Variants in CUL5 observed in about 807,000 individuals in gnomAD.
CUL5 encodes cullin-5.
A neutral mutation model predicts 108.8 loss-of-function variants in CUL5; 26 were observed. The observed-to-expected ratio is 0.24, with a 90% CI of 0.18 to 0.33. The LOEUF (loss-of-function observed/expected upper bound fraction) is 0.33, where lower values mean the gene tolerates loss of function less well. Among genes scored for constraint, CUL5 ranks in the 10% least tolerant of loss-of-function variants. The probability of loss-of-function intolerance (pLI) is 1.00; values close to 1 mark genes in which losing one functional copy is unlikely to be tolerated. For synonymous variants in CUL5, 334 were observed against 298.0 expected (o/e 1.12, Z -1.25); for missense variants, 524 against 909.2 (o/e 0.58, Z 5.45).
intron 2 of CUL5, among the ~76,000 whole-genome samples, chr11:108,040,627 A>AG (rs1425305515): frequency 6.6e-6 from 1 of 151,686 alleles, no homozygotes; most frequent in Non-Finnish European, 1.5e-5. Context: ...AAAAAAAAAA[A>AG]AAAAAAAATT....
At chr11:108,090,266 A>T (rs1864318933) in intron 13 of CUL5, among the ~76,000 whole-genome samples, 1 of 152,118 alleles carries the variant, frequency 6.6e-6, no homozygotes, top group Admixed American at 6.6e-5. Flanking sequence ...AGGCAGGTGG[A>T]TCACAAGGTC....
chr11:108,033,389 G>A (rs1012448941), intron 1 of CUL5, among the ~76,000 whole-genome samples: 2 of 152,090 alleles, frequency 1.3e-5, no homozygotes, highest in African/African-American at 4.8e-5. Context: ...TGTATTGTTC[G>A]TCTTCCCAGT....
chr11:108,072,494 T>C (rs756813069), intron 9 of CUL5, 32 bp downstream of exon 9: 30 of 1,559,326 alleles, frequency 1.9e-5, no homozygotes, highest in Middle Eastern at 1.7e-4. Flanking sequence ...ATGATAGATA[T>C]ATATCAAGGC....
At position 108,034,000 on chromosome 11, in the gene CUL5, T is replaced by TA. The variant is rs1862660905; in HGVS notation, c.134+90dup. On this transcript the variant is annotated intron_variant, in intron 2 of 18. Transcript: ENST00000393094. ...CAAATGGAATGTGTAACTCTAAGTT[T>TA]ATCTGTTTACCTATTAAAAAGTATT... is the stretch of plus-strand genomic sequence containing the variant. The TA allele has an allele frequency of 5.1e-6, 4 of 787,648 alleles. No individual in the cohort carries two copies. The South Asian group carries it at 6.2e-5, about 12-fold the overall frequency. 48.8% of individuals were successfully genotyped at this position (787,648 alleles called of 1,614,324 possible). A position where few individuals can be genotyped will look rare whatever the true frequency, so the allele number is the denominator to read the frequency against.
In CUL5 at chr11:108,106,926, C is replaced by G. The variant is rs1288050154; in HGVS notation, c.*2542C>G. On this transcript the variant is annotated 3_prime_UTR_variant, in exon 19 of 19. Transcript: ENST00000393094. ...ATCTTAACCTCTGAATACCCATCTT[C>G]TAGTTTAAAGACAGAGACATCCCAT... 1 of 150,156 alleles carries G rather than the reference C, an allele frequency of 6.7e-6. No homozygotes were observed. Among genetic ancestry groups the G allele is most frequent in the Non-Finnish European group, 1.5e-5 (1 of 67,718 alleles). The allele number at this position is 150,156 out of a possible 1,614,324, so 9.3% of individuals were successfully genotyped here.
intron 4 of CUL5, among the ~76,000 whole-genome samples, chr11:108,051,789 C>G (rs180924879): frequency 7.9e-5 from 12 of 152,116 alleles, no homozygotes; most frequent in Non-Finnish European, 5.9e-5. Context: ...ACCAATATAT[C>G]TGAAATTCAA....
At chr11:108,018,099 T>A (rs371627451) in intron 1 of CUL5, among the ~76,000 whole-genome samples, 2 of 152,266 alleles carry the variant, frequency 1.3e-5, no homozygotes, top group Admixed American at 6.5e-5. Flanking sequence ...TGTCTCTGGA[T>A]GTGCAGAGAG....
chr11:108,080,645 C>T (rs1343889908), intron 11 of CUL5, among the ~76,000 whole-genome samples: 6 of 152,100 alleles, frequency 3.9e-5, no homozygotes, highest in Admixed American at 2.0e-4. Context: ...TTGCCCGCCT[C>T]GGCATCCCAA....
rs563772906 is a variant in CUL5 at position 108,084,578 on chromosome 11, GTTCTTGTGTGA to G, written c.1179-3943_1179-3933del. Among the ~76,000 whole-genome samples the G allele has an allele frequency of 1.2e-4, 18 of 152,324 alleles. 1 individual carries two copies. In the South Asian group the frequency reaches 3.5e-3, roughly 30 times the overall value. ...TCTTAATGCAAGATAACATCATCTT[GTTCTTGTGTGA>G]TTCTTATATATACAGTGTCCAGTAT... On this transcript the variant is annotated intron_variant, in intron 11 of 18. Transcript: ENST00000393094.
chr11:108,038,430 G>C (rs542900682), intron 2 of CUL5, among the ~76,000 whole-genome samples: 1 of 152,126 alleles, frequency 6.6e-6, no homozygotes. Context: ...GCTCACACCT[G>C]TAATCCCAGC....
intron 2 of CUL5, among the ~76,000 whole-genome samples, chr11:108,044,941 T>TTG (rs1863030573): frequency 6.6e-6 from 1 of 151,898 alleles, no homozygotes; most frequent in Admixed American, 6.6e-5. Context: ...TTTGTATTAT[T>TTG]AGTAGAGATG....
chr11:108,059,897 A>ATTG (rs1235258698), intron 7 of CUL5, among the ~76,000 whole-genome samples: 1 of 151,540 alleles, frequency 6.6e-6, no homozygotes, highest in Non-Finnish European at 1.5e-5. Context: ...AAAAAAAAAA[A>ATTG]ATTGAATAAT....
intron 2 of CUL5, among the ~76,000 whole-genome samples, chr11:108,040,658 GC>G (rs1862877928): frequency 6.7e-6 from 1 of 150,364 alleles, no homozygotes; most frequent in South Asian, 2.1e-4. Flanking sequence ...GGTGGCACGT[GC>G]CTGTAGTCCC....
chr11:108,093,628 A>G (rs981652187), intron 13 of CUL5, among the ~76,000 whole-genome samples: 12 of 152,338 alleles, frequency 7.9e-5, no homozygotes, highest in Non-Finnish European at 1.0e-4. Flanking sequence ...CAAGGATGCA[A>G]TGAAACTGCA....
chr11:108,084,403 G>A (rs1864174709), intron 11 of CUL5, among the ~76,000 whole-genome samples: 1 of 152,178 alleles, frequency 6.6e-6, no homozygotes, highest in Admixed American at 6.5e-5. Flanking sequence ...AATACTGCTG[G>A]GGGGCAGTAG....
At chr11:108,046,018 G>A (rs1863058595) in intron 2 of CUL5, among the ~76,000 whole-genome samples, 1 of 152,194 alleles carries the variant, frequency 6.6e-6, no homozygotes, top group Non-Finnish European at 1.5e-5. Context: ...ATGGAGACAT[G>A]CTTTCATAAC....
Position 108,009,230 on chromosome 11 carries a change from A to G in CUL5, c.-119A>G, listed in dbSNP as rs1281945970. ...TCGGCGCGCTGCTCCAGCGCCCACCACACCCTGGTGCGGGCCGACGGGCCC... is the reference window on the plus strand; with the variant it reads ...TCGGCGCGCTGCTCCAGCGCCCACCGCACCCTGGTGCGGGCCGACGGGCCC... On this transcript the variant is annotated 5_prime_UTR_variant, in exon 1 of 19. Transcript: ENST00000393094. The G allele has an allele frequency of 6.5e-6, 7 of 1,081,374 alleles. No individual in the cohort carries two copies. The highest frequency in any genetic ancestry group is 1.6e-5 in the African/African-American group (1 of 64,100). The allele number at this position is 1,081,374 out of a possible 1,614,324, so 67.0% of individuals were successfully genotyped here.
At chr11:108,071,582 C>G (rs151279207) in intron 8 of CUL5, among the ~76,000 whole-genome samples, 1 of 152,066 alleles carries the variant, frequency 6.6e-6, no homozygotes, top group Non-Finnish European at 1.5e-5. Flanking sequence ...CCGTCTTGCC[C>G]TGTCACCCAG....
intron 3 of CUL5, among the ~76,000 whole-genome samples, chr11:108,049,645 A>G (rs1863160478): frequency 1.3e-5 from 2 of 151,956 alleles, no homozygotes; most frequent in African/African-American, 4.8e-5. Context: ...CCTGGCCCAT[A>G]TATTGTTTAT....
Sources: allele counts gnomAD v4.1 joint callset (sites outside exome capture counted in the v4.1 genomes callset), GRCh38; gene constraint gnomAD v4.1.1; transcripts MANE v1.5; gene names NCBI Gene and HGNC (gene_info 2026-07-23, HGNC 2026-07-21).